Variants in CACNA1D observed in about 807,000 individuals in gnomAD.
CACNA1D encodes the protein calcium voltage-gated channel subunit alpha1 D.
In CACNA1D, 55 loss-of-function variants were observed where a neutral mutation model predicts 257.1. The ratio of observed to expected loss-of-function variants is 0.21; its 90% confidence interval spans 0.17 to 0.27. CACNA1D has a LOEUF of 0.27. Among genes scored for constraint, CACNA1D ranks in the 10% least tolerant of loss-of-function variants. The probability of loss-of-function intolerance (pLI) is 1.00; values close to 1 mark genes in which losing one functional copy is unlikely to be tolerated. For missense variants in CACNA1D, 1,876 were observed against 2,784.0 expected, an observed-to-expected ratio of 0.67 and a Z score of 7.34; for synonymous variants, 980 against 1,014.9, an observed-to-expected ratio of 0.97 and a Z score of 0.65.
intron 15 of CACNA1D, among the ~76,000 whole-genome samples, chr3:53,728,259 C>T (rs1160565914): frequency 6.6e-6 from 1 of 152,214 alleles, no homozygotes; most frequent in Admixed American, 6.5e-5. Flanking sequence ...CTGCCTCAGC[C>T]TCCTGAGTAG....
At chr3:53,577,312 G>A (rs899518206) in intron 3 of CACNA1D, among the ~76,000 whole-genome samples, 6 of 152,132 alleles carry the variant, frequency 3.9e-5, no homozygotes, top group East Asian at 3.9e-4. Context: ...GGTGGTGCTC[G>A]ATTCCAGGGG....
chr3:53,761,910 G>A, intron 29 of CACNA1D, 88 bp from the exon 30 acceptor site: 1 of 918,466 alleles, frequency 1.1e-6, no homozygotes, highest in Non-Finnish European at 1.8e-6. Flanking sequence ...CATGGGTGCG[G>A]CAGGGACTCG....
chr3:53,535,327 G>T (rs993360728), intron 3 of CACNA1D, among the ~76,000 whole-genome samples: 2 of 152,214 alleles, frequency 1.3e-5, no homozygotes, highest in African/African-American at 2.4e-5. Flanking sequence ...AGGGATGTAG[G>T]GAAGCCAGTC....
chr3:53,733,916 G>A (rs4687584), intron 19 of CACNA1D, among the ~76,000 whole-genome samples: 5,199 of 107,880 alleles, frequency 0.048, 263 homozygotes, highest in East Asian at 0.2. Flanking sequence ...AGCCCTTTGT[G>A]TGTGTGTGTG....
At position 53,787,180 on chromosome 3, in the gene CACNA1D, C is replaced by T. The variant is rs2289212; in HGVS notation, c.4923+228C>T. 0.49 allele frequency among the ~76,000 whole-genome samples: 74,544 copies of T among 151,926 alleles called. 20,468 individuals are homozygous for T. The highest frequency in any genetic ancestry group is 0.74 in the African/African-American group (30,846 of 41,428). ...AGCCCTGCACCTGCCACTACCCACG[C>T]GGCAGGGCTGCCAGGACGGAGAGGA... On this transcript the variant is annotated intron_variant, in intron 40 of 47. Transcript: ENST00000350061.
At position 53,549,425 on chromosome 3, in the gene CACNA1D, C is replaced by G. The variant is rs1320566329; in HGVS notation, c.483+47705C>G. The stretch of plus-strand genomic sequence containing the variant: ...TGGTAGACTTGGGCTCTATTTTTGC[C>G]TCAGCCACTGACTTGTTGACTTGCT... On this transcript the variant is annotated intron_variant, in intron 3 of 47. Transcript: ENST00000350061. 2.0e-5 allele frequency among the ~76,000 whole-genome samples: 3 copies of G among 152,148 alleles called. No individual in the cohort carries two copies. The East Asian group carries it at 5.8e-4, about 29-fold the overall frequency.
At chr3:53,594,708 C>T (rs1229916746) in intron 3 of CACNA1D, among the ~76,000 whole-genome samples, 1 of 152,210 alleles carries the variant, frequency 6.6e-6, no homozygotes, top group African/African-American at 2.4e-5. Context: ...TGGCTGATCC[C>T]ACTCTCTGCA....
chr3:53,679,269 TC>T (rs2094405242), intron 8 of CACNA1D: 1 of 6,376 alleles, frequency 1.6e-4, no homozygotes, highest in African/African-American at 3.3e-4. Context: ...AAACTCCATC[TC>T]AAAAAAAAAA....
intron 19 of CACNA1D, 23 bp from the exon 20 acceptor site, chr3:53,735,351 C>G (rs1247023069): frequency 1.2e-6 from 2 of 1,613,106 alleles, no homozygotes; most frequent in Non-Finnish European, 1.7e-6. Context: ...GGACTGTTTC[C>G]AAGCAGCGGC....
At chr3:53,571,379 C>T (rs1395647573) in intron 3 of CACNA1D, among the ~76,000 whole-genome samples, 1 of 152,182 alleles carries the variant, frequency 6.6e-6, no homozygotes. Flanking sequence ...CACAGAAACC[C>T]AAATACTTAG....
intron 7 of CACNA1D, among the ~76,000 whole-genome samples, chr3:53,670,635 G>T (rs2094313794): frequency 6.6e-6 from 1 of 152,208 alleles, no homozygotes; most frequent in African/African-American, 2.4e-5. Flanking sequence ...GTGAGCTGCT[G>T]CACCCGGCCC....
At chr3:53,661,548 C>T (rs894486549) in intron 5 of CACNA1D, among the ~76,000 whole-genome samples, 2 of 152,322 alleles carry the variant, frequency 1.3e-5, no homozygotes, top group Non-Finnish European at 2.9e-5. Context: ...AGTGAGCAAA[C>T]ATGTTCTTCC....
intron 7 of CACNA1D, among the ~76,000 whole-genome samples, chr3:53,669,178 C>T (rs2094298813): frequency 6.6e-6 from 1 of 152,368 alleles, no homozygotes; most frequent in East Asian, 1.9e-4. Context: ...CATTTATTAG[C>T]TCATCATAGA....
chr3:53,567,185 AC>A (rs1213664162), intron 3 of CACNA1D, among the ~76,000 whole-genome samples: 1 of 152,184 alleles, frequency 6.6e-6, no homozygotes, highest in African/African-American at 2.4e-5. Context: ...GAGGCATGGT[AC>A]CCCAACTCAG....
intron 9 of CACNA1D, among the ~76,000 whole-genome samples, chr3:53,709,861 T>C (rs931663630): frequency 1.3e-5 from 2 of 152,184 alleles, no homozygotes; most frequent in Non-Finnish European, 2.9e-5. Flanking sequence ...GCAGTACAGG[T>C]CCAATTATTA....
At chr3:53,522,686 AC>A (rs1378163974) in intron 3 of CACNA1D, among the ~76,000 whole-genome samples, 1 of 152,240 alleles carries the variant, frequency 6.6e-6, no homozygotes, top group Non-Finnish European at 1.5e-5. Context: ...TGTATGGGGT[AC>A]ATGTGCTATT....
intron 20 of CACNA1D, among the ~76,000 whole-genome samples, chr3:53,736,324 C>G (rs56908601): frequency 0.019 from 2,880 of 151,422 alleles, 81 homozygotes; most frequent in African/African-American, 0.066. Flanking sequence ...CTCAGTGATA[C>G]AGTGAGACCT....
chr3:53,785,078 A>G (rs991420375), intron 39 of CACNA1D, among the ~76,000 whole-genome samples: 10 of 152,076 alleles, frequency 6.6e-5, no homozygotes, highest in African/African-American at 2.4e-4. Flanking sequence ...GCATCTATAG[A>G]TGTCCAACAG....
chr3:53,751,849 C>T lies in CACNA1D; in HGVS notation c.3617C>T (p.Pro1206Leu), dbSNP rs761819976. ...YKFWYVVNSS[P>L]FEYMMFVLIM... ...TTCTGGTACGTGGTGAACTCTTCGCCTTTCGAATACATGATGTTTGTCCTC... is the reference window on the plus strand; with the variant it reads ...TTCTGGTACGTGGTGAACTCTTCGCTTTTCGAATACATGATGTTTGTCCTC... Residue 1206 changes from proline (P) to leucine (L), a missense_variant, in exon 28 of 48, where the codon CCT becomes CTT. Pro to Leu is a moderately conservative substitution (Grantham distance 98, BLOSUM62 -3). This residue lies in a region of CACNA1D where 204 missense variants were observed against 309.4 expected (regional missense o/e 0.66). Coordinates refer to ENST00000350061, the MANE Select transcript of CACNA1D (RefSeq NM_001128840.3). The surrounding 1 kb of genome is among the most constrained non-coding windows in gnomAD (Gnocchi z 4.3). 6.2e-7 allele frequency: 1 copy of T among 1,614,096 alleles called. No homozygotes were observed. The highest frequency in any genetic ancestry group is 1.7e-5 in the Admixed American group (1 of 60,012).
Sources: gnomAD v4.1 joint callset for allele counts (sites outside exome capture counted in the v4.1 genomes callset) on GRCh38, gnomAD v4.1.1 for gene constraint, gnomAD v4.1.1 regional missense constraint, Gnocchi (gnomAD v3.1) non-coding constraint, MANE v1.5 for transcripts, NCBI Gene and HGNC (gene_info 2026-07-23, HGNC 2026-07-21) for gene names.